Variants in ALK observed in about 807,000 individuals in gnomAD.
The protein encoded by ALK is ALK receptor tyrosine kinase.
A neutral mutation model predicts 163.1 loss-of-function variants in ALK; 74 were observed. That is an observed-to-expected ratio of 0.45 (90% confidence interval 0.38 to 0.55). ALK has a LOEUF of 0.55. ALK is among the 20% of genes least tolerant of loss of function. The pLI, the probability that ALK is intolerant of heterozygous loss-of-function variation, is 0.00. For missense variants in ALK, 2,063 were observed against 2,105.3 expected (o/e 0.98, Z 0.39); for synonymous variants, 960 against 843.2 (o/e 1.14, Z -2.40).
chr2:29,261,366 T>G (rs1665084601), intron 11 of ALK, among the ~76,000 whole-genome samples: 2 of 151,814 alleles, frequency 1.3e-5, no homozygotes, highest in Admixed American at 1.3e-4. Context: ...TGTTCTGTGC[T>G]TATGTAGGGA....
intron 3 of ALK, among the ~76,000 whole-genome samples, chr2:29,635,988 A>C (rs969960631): frequency 6.6e-6 from 1 of 152,182 alleles, no homozygotes; most frequent in African/African-American, 2.4e-5. Flanking sequence ...CGGCCACACG[A>C]AACTAATACA....
At chr2:29,453,767 A>G (rs867560729) in intron 4 of ALK, among the ~76,000 whole-genome samples, 3 of 152,136 alleles carry the variant, frequency 2.0e-5, no homozygotes, top group African/African-American at 7.2e-5. Flanking sequence ...AAGTGTGAGG[A>G]GAAGGACTGC....
chr2:29,554,057 C>T (rs1394176028), intron 3 of ALK, among the ~76,000 whole-genome samples: 1 of 152,122 alleles, frequency 6.6e-6, no homozygotes, highest in African/African-American at 2.4e-5. Flanking sequence ...GCTATCAAAT[C>T]TTATATATGA....
At chr2:29,441,104 C>G (rs1055307494) in intron 4 of ALK, among the ~76,000 whole-genome samples, 1 of 152,214 alleles carries the variant, frequency 6.6e-6, no homozygotes, top group African/African-American at 2.4e-5. Context: ...CACCTGAACA[C>G]TGTAAGAGGT....
intron 4 of ALK, among the ~76,000 whole-genome samples, chr2:29,487,052 A>T (rs1303803073): frequency 1.3e-5 from 2 of 152,306 alleles, no homozygotes; most frequent in Non-Finnish European, 1.5e-5. Flanking sequence ...TTTCCAGAAG[A>T]GTTAGAGGGG....
At chr2:29,547,077 T>C (rs1009271044) in intron 3 of ALK, among the ~76,000 whole-genome samples, 2 of 152,212 alleles carry the variant, frequency 1.3e-5, no homozygotes, top group Non-Finnish European at 2.9e-5. Context: ...TCAATGCACA[T>C]GCAGGAAGCT....
chr2:29,719,001 C>T (rs1679348431), intron 1 of ALK, among the ~76,000 whole-genome samples: 1 of 152,166 alleles, frequency 6.6e-6, no homozygotes, highest in Admixed American at 6.5e-5. Context: ...CTCTAACCCC[C>T]TTTTAGGATA....
chr2:29,771,696 C>G (rs2631980), intron 1 of ALK, among the ~76,000 whole-genome samples: 150,008 of 152,182 alleles, frequency 0.99, 73,959 homozygotes, highest in East Asian at 1. Flanking sequence ...CACCATGCCC[C>G]GCTAATTTTT....
At chr2:29,481,442 T>C (rs1671657235) in intron 4 of ALK, among the ~76,000 whole-genome samples, 1 of 152,206 alleles carries the variant, frequency 6.6e-6, no homozygotes, top group Admixed American at 6.5e-5. Flanking sequence ...TCACATTTAA[T>C]TTGATTTTAC....
At chr2:29,256,152 G>A (rs757004713) in intron 11 of ALK, among the ~76,000 whole-genome samples, 10 of 152,216 alleles carry the variant, frequency 6.6e-5, no homozygotes, top group Non-Finnish European at 1.3e-4. Flanking sequence ...AGGCAAGAGA[G>A]TTAGCAAGAG....
chr2:29,706,049 T>A (rs531816124), intron 2 of ALK, among the ~76,000 whole-genome samples: 1 of 152,358 alleles, frequency 6.6e-6, no homozygotes, highest in African/African-American at 2.4e-5. Flanking sequence ...AGCGAGATGA[T>A]CTGGGTTCTA....
chr2:29,585,846 G>C (rs1674871240), intron 3 of ALK, among the ~76,000 whole-genome samples: 1 of 151,238 alleles, frequency 6.6e-6, no homozygotes, highest in Non-Finnish European at 1.5e-5. Context: ...GAAATTTTTT[G>C]TTCAAGTTTT....
intron 3 of ALK, among the ~76,000 whole-genome samples, chr2:29,631,784 C>T (rs1676382744): frequency 6.6e-6 from 1 of 152,216 alleles, no homozygotes; most frequent in South Asian, 2.1e-4. Flanking sequence ...CCCTCAAGGC[C>T]CCACACCATT....
At chr2:29,730,168 T>A (rs1054610984) in intron 1 of ALK, among the ~76,000 whole-genome samples, 1 of 152,182 alleles carries the variant, frequency 6.6e-6, no homozygotes, top group African/African-American at 2.4e-5. Context: ...AAGCAAAGGC[T>A]GTCCTTAGGA....
intron 3 of ALK, among the ~76,000 whole-genome samples, chr2:29,586,729 C>T (rs747885785): frequency 8.5e-5 from 13 of 152,188 alleles, no homozygotes; most frequent in Non-Finnish European, 1.5e-4. Flanking sequence ...AAAGCCCCAT[C>T]TCCCCATTGC....
intron 11 of ALK, among the ~76,000 whole-genome samples, chr2:29,255,699 A>C (rs1664932383): frequency 6.6e-6 from 1 of 152,106 alleles, no homozygotes; most frequent in African/African-American, 2.4e-5. Flanking sequence ...GATTGTCCCT[A>C]CATAAGTCCC....
At chr2:29,909,568 T>A (rs1158557042) in intron 1 of ALK, among the ~76,000 whole-genome samples, 1 of 152,052 alleles carries the variant, frequency 6.6e-6, no homozygotes, top group African/African-American at 2.4e-5. Context: ...TGGCTAAATA[T>A]TAAGTTGTGC....
At chr2:29,637,963 C>A (rs745863951) in intron 3 of ALK, among the ~76,000 whole-genome samples, 13 of 151,908 alleles carry the variant, frequency 8.6e-5, no homozygotes, top group Non-Finnish European at 1.2e-4. Flanking sequence ...AAACCCGATA[C>A]AGAATTTTGA....
At chr2:29,692,164 TG>T (rs1423559924) in intron 3 of ALK, among the ~76,000 whole-genome samples, 1 of 152,126 alleles carries the variant, frequency 6.6e-6, no homozygotes, top group Non-Finnish European at 1.5e-5. Context: ...GAAGCTGCAA[TG>T]GGATGCTGTA....
Sources: gnomAD v4.1 joint callset for allele counts (sites outside exome capture counted in the v4.1 genomes callset) on GRCh38, gnomAD v4.1.1 for gene constraint, MANE v1.5 for transcripts, NCBI Gene and HGNC (gene_info 2026-07-23, HGNC 2026-07-21) for gene names.